Variants in AGAP1 observed in about 807,000 individuals in gnomAD.
AGAP1 encodes the protein ArfGAP with GTPase domain, ankyrin repeat and PH domain 1, also known as arf-GAP with GTPase, ANK repeat and PH domain-containing protein 1.
Under a neutral mutation model 105.3 loss-of-function variants are expected in AGAP1, and 29 were observed. The observed-to-expected ratio is 0.28, with a 90% CI of 0.21 to 0.38. The LOEUF is 0.38. AGAP1 is among the 10% of genes least tolerant of loss of function. The pLI is 1.00. For synonymous variants in AGAP1, 509 were observed against 485.9 expected, an observed-to-expected ratio of 1.05 and a Z score of -0.63; for missense variants, 998 against 1,165.1, an observed-to-expected ratio of 0.86 and a Z score of 2.09.
rs550972925 is a variant in AGAP1 at position 235,689,706 on chromosome 2, C to G, written c.164-19473C>G. The stretch of plus-strand genomic sequence containing the variant: ...CATTTCCACTCATTTGAGAGTTCCA[C>G]TTTTCAGGACAGTCATAGAGCTGCA... On this transcript the variant is annotated intron_variant, in intron 1 of 17. Coordinates refer to ENST00000304032, the MANE Select transcript of AGAP1 (RefSeq NM_001037131.3). This position sits in a 1 kb window ranked among gnomAD's most constrained non-coding sequence, Gnocchi z 4.2. Among the ~76,000 whole-genome samples the G allele has an allele frequency of 2.2e-4, 33 of 152,344 alleles. No homozygotes were observed. Among genetic ancestry groups the G allele is most frequent in the African/African-American group, 7.9e-4 (33 of 41,592 alleles).
At chr2:235,711,629 C>T (rs1950860764) in intron 2 of AGAP1, among the ~76,000 whole-genome samples, 1 of 152,144 alleles carries the variant, frequency 6.6e-6, no homozygotes, top group Non-Finnish European at 1.5e-5. Context: ...TCCTGGCAGG[C>T]CCACCAGCTC....
At chr2:235,966,016 A>T (rs2054374083) in intron 12 of AGAP1, among the ~76,000 whole-genome samples, 2 of 97,534 alleles carry the variant, frequency 2.1e-5, no homozygotes, top group Non-Finnish European at 4.1e-5. Context: ...TCCTCTGGGG[A>T]TGGAGGAGAG....
At position 235,801,216 on chromosome 2, in the gene AGAP1, C is replaced by A. The variant is rs1335390591; in HGVS notation, c.957+1694C>A. On this transcript the variant is annotated intron_variant, in intron 8 of 17. Transcript: ENST00000304032. This position sits in a 1 kb window ranked among gnomAD's most constrained non-coding sequence, Gnocchi z 6.0. The stretch of plus-strand genomic sequence containing the variant: ...ACAGACCAAGCTCCCATCCCGGCCT[C>A]CGCTGCTGACGGATGTTTGACCTTA... Among the ~76,000 whole-genome samples the A allele has an allele frequency of 3.9e-5, 6 of 152,146 alleles. No homozygotes were observed. The highest frequency in any genetic ancestry group is 8.8e-5 in the Non-Finnish European group (6 of 68,036).
intron 1 of AGAP1, among the ~76,000 whole-genome samples, chr2:235,640,916 G>C (rs1463038544): frequency 1.3e-5 from 2 of 152,194 alleles, no homozygotes; most frequent in Non-Finnish European, 2.9e-5. Context: ...TAGGTGGGCT[G>C]GCAAGCAGTG....
At chr2:235,497,909 C>T (rs1941392359) in intron 1 of AGAP1, among the ~76,000 whole-genome samples, 1 of 152,042 alleles carries the variant, frequency 6.6e-6, no homozygotes, top group African/African-American at 2.4e-5. Flanking sequence ...CACTTCTTAA[C>T]GTTATGAAGA....
intron 2 of AGAP1, among the ~76,000 whole-genome samples, chr2:235,709,605 C>G (rs1950736385): frequency 6.6e-6 from 1 of 152,078 alleles, no homozygotes; most frequent in Non-Finnish European, 1.5e-5. Flanking sequence ...CACACACACC[C>G]CCATGGATTG....
chr2:235,520,830 ACT>A (rs1181846658), intron 1 of AGAP1, among the ~76,000 whole-genome samples: 24 of 152,026 alleles, frequency 1.6e-4, no homozygotes, highest in African/African-American at 5.3e-4. Flanking sequence ...ATCATTGTGA[ACT>A]CTCTGGATTA....
At position 235,617,189 on chromosome 2, in the gene AGAP1, A is replaced by G. The variant is rs181034408; in HGVS notation, c.164-91990A>G. 4.1e-3 allele frequency among the ~76,000 whole-genome samples: 623 copies of G among 152,332 alleles called. 4 individuals are homozygous for G. Among genetic ancestry groups the G allele is most frequent in the Non-Finnish European group, 6.7e-3 (458 of 68,040 alleles). The stretch of plus-strand genomic sequence containing the variant: ...TAAAACACAAAACAAACATGTGTGA[A>G]TAGATGAGGAACAGCAGTTAAAATA... On this transcript the variant is annotated intron_variant, in intron 1 of 17. Coordinates refer to ENST00000304032, the MANE Select transcript of AGAP1 (RefSeq NM_001037131.3).
In AGAP1 at chr2:236,044,417, G is replaced by A. The variant is rs369174669; in HGVS notation, c.1891+3576G>A. 1.5e-4 allele frequency among the ~76,000 whole-genome samples: 23 copies of A among 152,276 alleles called. No individual in the cohort carries two copies. The highest frequency in any genetic ancestry group is 3.4e-3 in the Middle Eastern group (1 of 294). ...GACAGGCCCTGAGAGGCAGCTCACC[G>A]TTTCTGCTGCTTTCTCTCTGCCCAT... On this transcript the variant is annotated intron_variant, in intron 15 of 17. Coordinates refer to ENST00000304032, the MANE Select transcript of AGAP1 (RefSeq NM_001037131.3). This position sits in a 1 kb window ranked among gnomAD's most constrained non-coding sequence, Gnocchi z 5.7.
chr2:235,578,589 C>T lies in AGAP1; in HGVS notation c.163+83740C>T, dbSNP rs1027196831. Among the ~76,000 whole-genome samples the T allele has an allele frequency of 2.0e-5, 3 of 151,816 alleles. No homozygotes were observed. The highest frequency in any genetic ancestry group is 7.3e-5 in the African/African-American group (3 of 41,296). ...CTTGAGGTCAGGAGTTTGAGACCAGCCTGGGCAACATGGTGAAACCTCGTC... is the reference window on the plus strand; with the variant it reads ...CTTGAGGTCAGGAGTTTGAGACCAGTCTGGGCAACATGGTGAAACCTCGTC... On this transcript the variant is annotated intron_variant, in intron 1 of 17. Transcript: ENST00000304032. This position sits in a 1 kb window ranked among gnomAD's most constrained non-coding sequence, Gnocchi z 4.9.
rs1458805557 is a variant in AGAP1 at position 236,090,984 on chromosome 2, C to T, written c.2115-29208C>T. ...GACCTCCTGACCTCAGGTGATCTGCCCACCTCGGCCTCCCGAAGTGCTGGG... is the reference window on the plus strand; with the variant it reads ...GACCTCCTGACCTCAGGTGATCTGCTCACCTCGGCCTCCCGAAGTGCTGGG... On this transcript the variant is annotated intron_variant, in intron 16 of 17. Coordinates refer to ENST00000304032, the MANE Select transcript of AGAP1 (RefSeq NM_001037131.3). This position sits in a 1 kb window ranked among gnomAD's most constrained non-coding sequence, Gnocchi z 4.3. 1.3e-5 allele frequency among the ~76,000 whole-genome samples: 2 copies of T among 152,232 alleles called. No individual in the cohort carries two copies. The highest frequency in any genetic ancestry group is 2.9e-5 in the Non-Finnish European group (2 of 68,040).
At chr2:235,618,367 G>C (rs957265712) in intron 1 of AGAP1, among the ~76,000 whole-genome samples, 4 of 152,102 alleles carry the variant, frequency 2.6e-5, no homozygotes, top group African/African-American at 9.7e-5. Context: ...GAGTGAATGT[G>C]ACTAGGTTCT....
intron 1 of AGAP1, among the ~76,000 whole-genome samples, chr2:235,668,882 G>T (rs756810664): frequency 6.6e-6 from 1 of 152,114 alleles, no homozygotes; most frequent in Non-Finnish European, 1.5e-5. Context: ...AAAAGCAAGT[G>T]GTTTGTCAGT....
chr2:236,036,168 T>C lies in AGAP1; in HGVS notation c.1646-393T>C, dbSNP rs1459561026. Among the ~76,000 whole-genome samples the C allele has an allele frequency of 6.6e-6, 1 of 152,188 alleles. No individual in the cohort carries two copies. The highest frequency in any genetic ancestry group is 1.5e-5 in the Non-Finnish European group (1 of 68,038). On this transcript the variant is annotated intron_variant, in intron 13 of 17. Coordinates refer to ENST00000304032, the MANE Select transcript of AGAP1 (RefSeq NM_001037131.3). The surrounding 1 kb of genome is among the most constrained non-coding windows in gnomAD (Gnocchi z 5.7). The stretch of plus-strand genomic sequence containing the variant: ...CTGTGGATCTACGCGAGTGCTTAGA[T>C]AGAAATTAACCCTGCAGCCGGAGAT...
intron 1 of AGAP1, among the ~76,000 whole-genome samples, chr2:235,678,458 A>C (rs1377790913): frequency 6.6e-6 from 1 of 152,216 alleles, no homozygotes; most frequent in Non-Finnish European, 1.5e-5. Context: ...TCTCACAAGC[A>C]TAGCCATTCT....
chr2:236,013,405 G>A (rs751470534), intron 13 of AGAP1, among the ~76,000 whole-genome samples: 4 of 152,162 alleles, frequency 2.6e-5, no homozygotes, highest in Non-Finnish European at 5.9e-5. Context: ...TGTAGTGTTC[G>A]AAATGGAGAA....
At position 236,074,649 on chromosome 2, in the gene AGAP1, A is replaced by G. The variant is rs182322644; in HGVS notation, c.2114+25368A>G. ...TACGAAACATTTATTGAATTAGACAATGACCAAAAATTTCTTCAGTGCAAA... is the reference window on the plus strand; with the variant it reads ...TACGAAACATTTATTGAATTAGACAGTGACCAAAAATTTCTTCAGTGCAAA... On this transcript the variant is annotated intron_variant, in intron 16 of 17. Transcript: ENST00000304032. 2.0e-3 allele frequency among the ~76,000 whole-genome samples: 297 copies of G among 149,852 alleles called. 1 individual carries two copies. The highest frequency in any genetic ancestry group is 7.3e-3 in the African/African-American group (285 of 39,260).
intron 10 of AGAP1, among the ~76,000 whole-genome samples, chr2:235,899,534 T>C (rs2050963063): frequency 6.6e-6 from 1 of 152,156 alleles, no homozygotes. Context: ...ATATACTGTT[T>C]GTTTTAGCGC....
At chr2:235,916,367 T>C (rs906854095) in intron 11 of AGAP1, among the ~76,000 whole-genome samples, 1 of 152,248 alleles carries the variant, frequency 6.6e-6, no homozygotes, top group Non-Finnish European at 1.5e-5. Context: ...AACTTGAATT[T>C]CAGGTATAGG....
Sources: gnomAD v4.1 joint callset for allele counts (sites outside exome capture counted in the v4.1 genomes callset) on GRCh38, gnomAD v4.1.1 for gene constraint, Gnocchi (gnomAD v3.1) non-coding constraint, MANE v1.5 for transcripts, NCBI Gene and HGNC (gene_info 2026-07-23, HGNC 2026-07-21) for gene names.